The following SLC12A2 variants were observed in gnomAD, a reference collection of about 807,000 sequenced individuals.
SLC12A2 encodes Na-K-2Cl cotransporter 1.
Under a neutral mutation model 136.3 loss-of-function variants are expected in SLC12A2, and 67 were observed. The ratio of observed to expected loss-of-function variants is 0.49; its 90% CI spans 0.40 to 0.60. SLC12A2 has a LOEUF of 0.60. Among genes scored for constraint, SLC12A2 ranks in the 20% least tolerant of loss-of-function variants. SLC12A2 has a pLI of 0.00. For missense variants in SLC12A2, 1,322 were observed against 1,534.7 expected (o/e 0.86, Z 2.32); for synonymous variants, 619 against 562.9 (o/e 1.10, Z -1.41).
At chr5:128,151,164 A>AT in intron 13 of SLC12A2, 77 bp from the exon 14 acceptor site, 1 of 1,294,322 alleles carries the variant, frequency 7.7e-7, no homozygotes, top group Non-Finnish European at 1.0e-6. Flanking sequence ...AAAGAATGTT[A>AT]TTTTTTGAAT....
At chr5:128,174,452 T>G in intron 19 of SLC12A2, 89 bp from the exon 20 acceptor site, 1 of 967,050 alleles carries the variant, frequency 1.0e-6, no homozygotes, top group Non-Finnish European at 1.5e-6. Flanking sequence ...ACTTATTTTT[T>G]CATAATAGTT....
intron 1 of SLC12A2, among the ~76,000 whole-genome samples, chr5:128,102,718 T>C (rs1260517961): frequency 2.0e-5 from 3 of 149,414 alleles, no homozygotes; most frequent in African/African-American, 7.4e-5. Context: ...GCTCAAGTTA[T>C]CCTCTGGCCT....
At position 128,131,223 on chromosome 5, in the gene SLC12A2, C is replaced by T; in HGVS notation, c.1188+17C>T. On this transcript the variant is annotated intron_variant, in intron 5 of 26. Coordinates refer to ENST00000262461, the MANE Select transcript of SLC12A2 (RefSeq NM_001046.3). ...TTGCTTAAGGTAATTCACCTTCCTT[C>T]TAGTCATTCGTTTACCAAATCTTTA... The T allele has an allele frequency of 6.2e-7, 1 of 1,613,144 alleles. No individual in the cohort carries two copies. Among genetic ancestry groups the T allele is most frequent in the Non-Finnish European group, 8.5e-7 (1 of 1,179,164 alleles).
intron 1 of SLC12A2, among the ~76,000 whole-genome samples, chr5:128,092,036 G>A (rs1293329864): frequency 6.6e-6 from 1 of 152,164 alleles, no homozygotes; most frequent in Admixed American, 6.5e-5. Flanking sequence ...AGCGTAGGTG[G>A]TTTGGCAGGG....
intron 4 of SLC12A2, among the ~76,000 whole-genome samples, chr5:128,120,600 A>G (rs1055307807): frequency 4.6e-5 from 7 of 151,470 alleles, no homozygotes; most frequent in South Asian, 4.2e-4. Context: ...TCAGTAAACT[A>G]TCGCAAGGAC....
intron 16 of SLC12A2, among the ~76,000 whole-genome samples, chr5:128,159,565 A>G (rs1762968837): frequency 1.3e-5 from 2 of 152,190 alleles, no homozygotes; most frequent in South Asian, 4.1e-4. Context: ...CAAGAAAAAA[A>G]CCACCCTGTC....
At chr5:128,161,598 T>A (rs946931851) in intron 16 of SLC12A2, 62 bp from the exon 17 acceptor site, 1 of 1,051,954 alleles carries the variant, frequency 9.5e-7, no homozygotes, top group Non-Finnish European at 1.2e-6. Flanking sequence ...GATGAATCAT[T>A]TGTATAAATG....
rs970633407 is a variant in SLC12A2, at chr5:128,109,995, G to A, written c.757-2819G>A. ...AGATCTGGCACATTTCCCTACTGTGGATCCAGAAAAGATTGCAGTAGAAAT... is the reference window on the plus strand; with the variant it reads ...AGATCTGGCACATTTCCCTACTGTGAATCCAGAAAAGATTGCAGTAGAAAT... On this transcript the variant is annotated intron_variant, in intron 1 of 26. Coordinates refer to ENST00000262461, the MANE Select transcript of SLC12A2 (RefSeq NM_001046.3). The A allele has an allele frequency of 1.4e-5, 15 of 1,066,216 alleles. No individual in the cohort carries two copies. The Admixed American group carries it at 2.5e-4, about 18-fold the overall frequency. 66.0% of individuals were successfully genotyped at this position (1,066,216 alleles called of 1,614,324 possible). A position where few individuals can be genotyped will look rare whatever the true frequency, so the allele number is the denominator to read the frequency against.
intron 16 of SLC12A2, among the ~76,000 whole-genome samples, 199 bp from the exon 17 acceptor site, chr5:128,161,461 G>A (rs1202144458): frequency 6.6e-6 from 1 of 152,042 alleles, no homozygotes; most frequent in Non-Finnish European, 1.5e-5. Flanking sequence ...GCATCCCTGT[G>A]CCTTAGCTAT....
At chr5:128,109,187 C>CA (rs1402581656) in intron 1 of SLC12A2, among the ~76,000 whole-genome samples, 3 of 152,146 alleles carry the variant, frequency 2.0e-5, no homozygotes, top group Non-Finnish European at 2.9e-5. Context: ...AAATAATTTT[C>CA]AAAAAATATA....
chr5:128,106,529 G>C (rs1212165545), intron 1 of SLC12A2, among the ~76,000 whole-genome samples: 1 of 152,044 alleles, frequency 6.6e-6, no homozygotes, highest in Non-Finnish European at 1.5e-5. Flanking sequence ...TCTACTAATT[G>C]AACTACAAAT....
intron 4 of SLC12A2, among the ~76,000 whole-genome samples, chr5:128,124,082 C>T (rs988824725): frequency 6.6e-6 from 1 of 152,186 alleles, no homozygotes; most frequent in African/African-American, 2.4e-5. Context: ...ATTGACCCTA[C>T]AGTGTGAGTC....
At chr5:128,101,462 G>A (rs531999332) in intron 1 of SLC12A2, among the ~76,000 whole-genome samples, 1 of 152,072 alleles carries the variant, frequency 6.6e-6, no homozygotes, top group African/African-American at 2.4e-5. Context: ...AGTTTGTAGG[G>A]TGTAAATAAA....
At chr5:128,087,737 G>A (rs1760152411) in intron 1 of SLC12A2, among the ~76,000 whole-genome samples, 1 of 152,158 alleles carries the variant, frequency 6.6e-6, no homozygotes, top group Non-Finnish European at 1.5e-5. Context: ...GGGCAAGAAT[G>A]GAAGCAAAGA....
intron 10 of SLC12A2, among the ~76,000 whole-genome samples, chr5:128,143,832 A>G (rs538165675): frequency 2.3e-4 from 35 of 151,034 alleles, no homozygotes; most frequent in Non-Finnish European, 4.7e-4. Context: ...TTTATGTACA[A>G]TCTGTAAGTT....
At position 128,087,875 on chromosome 5, in the gene SLC12A2, C is replaced by T. The variant is rs574696459; in HGVS notation, c.756+3165C>T. 3.9e-5 allele frequency among the ~76,000 whole-genome samples: 6 copies of T among 152,058 alleles called. No individual in the cohort carries two copies. The South Asian group carries it at 1.0e-3, about 26-fold the overall frequency. ...TTGAGAAACTTAATAGATGTTGGTA[C>T]TGTTGCTTGAGATGAGAAATACTGG... On this transcript the variant is annotated intron_variant, in intron 1 of 26. Coordinates refer to ENST00000262461, the MANE Select transcript of SLC12A2 (RefSeq NM_001046.3).
At chr5:128,182,281 T>C (rs986234429) in intron 23 of SLC12A2, among the ~76,000 whole-genome samples, 1 of 152,178 alleles carries the variant, frequency 6.6e-6, no homozygotes, top group Admixed American at 6.5e-5. Context: ...TGTTCTGTTG[T>C]TGCCACCAAT....
chr5:128,167,772 T>C lies in SLC12A2; in HGVS notation c.2628T>C (p.Leu876=), dbSNP rs1309180819. The C allele has an allele frequency of 1.2e-6, 2 of 1,605,322 alleles. No individual in the cohort carries two copies. The highest frequency in any genetic ancestry group is 1.3e-5 in the African/African-American group (1 of 74,566). ...ACCCTATATTTTAGGCTGCTGGTCT[T>C]GGTCGTATGAAGCCAAACACACTTG... The part of the protein sequence containing the change: ...GAQYLMQAAG[L]GRMKPNTLVL... Residue 876 remains leucine (L), a synonymous_variant, in exon 18 of 27, where the codon CTT becomes CTC. Coordinates refer to ENST00000262461, the MANE Select transcript of SLC12A2 (RefSeq NM_001046.3).
At chr5:128,180,048 A>C (rs1466449437) in intron 22 of SLC12A2, among the ~76,000 whole-genome samples, 3 of 131,552 alleles carry the variant, frequency 2.3e-5, no homozygotes, top group African/African-American at 6.0e-5. Flanking sequence ...CGGCCCACTG[A>C]AAGCTCCGCC....
Sources: gnomAD v4.1 joint callset for allele counts (sites outside exome capture counted in the v4.1 genomes callset) on GRCh38, gnomAD v4.1.1 for gene constraint, MANE v1.5 for transcripts, NCBI Gene and HGNC (gene_info 2026-07-23, HGNC 2026-07-21) for gene names.